DPP10: variants seen among roughly 807,000 people sequenced by gnomAD.
DPP10 encodes the protein dipeptidyl peptidase like 10, also known as inactive dipeptidyl peptidase 10.
A neutral mutation model predicts 120.9 loss-of-function variants in DPP10; 33 were observed. The ratio of observed to expected loss-of-function variants is 0.27; its 90% CI spans 0.21 to 0.37. The LOEUF (loss-of-function observed/expected upper bound fraction) is 0.37. Ranked by LOEUF, DPP10 falls within the 10% of genes least tolerant of loss-of-function variation. DPP10 has a pLI of 1.00. For synonymous variants in DPP10, 337 were observed against 326.1 expected (o/e 1.03, Z -0.36); for missense variants, 816 against 942.8 (o/e 0.87, Z 1.76).
At chr2:115,485,192 TTTTTC>T (rs2075694185) in intron 3 of DPP10, among the ~76,000 whole-genome samples, 2 of 151,396 alleles carry the variant, frequency 1.3e-5, no homozygotes, top group Admixed American at 6.6e-5. Context: ...TCATCAGCAT[TTTTTC>T]TTAATCATCT....
intron 1 of DPP10, among the ~76,000 whole-genome samples, chr2:114,541,233 C>T (rs1172341618): frequency 2.0e-5 from 3 of 152,110 alleles, no homozygotes; most frequent in African/African-American, 4.8e-5. Context: ...TAGACTTATA[C>T]TCCCCTGACA....
chr2:115,364,911 A>T (rs960847164), intron 3 of DPP10, among the ~76,000 whole-genome samples: 1 of 152,100 alleles, frequency 6.6e-6, no homozygotes, highest in Non-Finnish European at 1.5e-5. Context: ...GTAGTAGAGG[A>T]TATTTTTTCT....
At chr2:115,414,808 C>T (rs1278779030) in intron 3 of DPP10, among the ~76,000 whole-genome samples, 1 of 152,138 alleles carries the variant, frequency 6.6e-6, no homozygotes, top group Non-Finnish European at 1.5e-5. Flanking sequence ...TTGGACAATT[C>T]ATGCATCAAA....
chr2:114,755,335 C>T (rs2106068625), intron 1 of DPP10, among the ~76,000 whole-genome samples: 1 of 152,160 alleles, frequency 6.6e-6, no homozygotes, highest in African/African-American at 2.4e-5. Flanking sequence ...ACTCTGTTAC[C>T]CAGGCTGGAG....
chr2:115,028,519 C>T (rs1435786815), intron 1 of DPP10, among the ~76,000 whole-genome samples: 1 of 151,974 alleles, frequency 6.6e-6, no homozygotes, highest in Non-Finnish European at 1.5e-5. Flanking sequence ...ATGGTCTATC[C>T]TGGAGAATGT....
intron 1 of DPP10, among the ~76,000 whole-genome samples, chr2:114,793,306 C>T (rs113523269): frequency 1.1e-4 from 16 of 152,142 alleles, no homozygotes; most frequent in Admixed American, 3.9e-4. Flanking sequence ...TAGTCCCCCA[C>T]CCCCAGACAA....
intron 1 of DPP10, among the ~76,000 whole-genome samples, chr2:114,450,476 A>C (rs1344040954): frequency 6.6e-6 from 1 of 152,028 alleles, no homozygotes; most frequent in African/African-American, 2.4e-5. Context: ...TATCTGCCAC[A>C]TAGCAGGAGC....
intron 2 of DPP10, among the ~76,000 whole-genome samples, chr2:115,321,767 A>G: frequency 6.6e-6 from 1 of 151,632 alleles, no homozygotes; most frequent in East Asian, 1.9e-4. Flanking sequence ...TTGATCTATT[A>G]TTATTTTCAC....
At chr2:114,852,119 AT>A (rs1212009018) in intron 1 of DPP10, among the ~76,000 whole-genome samples, 1 of 36,650 alleles carries the variant, frequency 2.7e-5, no homozygotes, top group Non-Finnish European at 6.0e-5. Flanking sequence ...TATGCCTATT[AT>A]TTTTTGGGAA....
chr2:115,243,243 G>A (rs1193017624), intron 1 of DPP10, among the ~76,000 whole-genome samples: 1 of 152,086 alleles, frequency 6.6e-6, no homozygotes, highest in Non-Finnish European at 1.5e-5. Flanking sequence ...ATTGTAGCAG[G>A]ATCCCACTCT....
chr2:115,166,511 A>C (rs1217454670), intron 1 of DPP10, among the ~76,000 whole-genome samples: 2 of 144,288 alleles, frequency 1.4e-5, no homozygotes, highest in South Asian at 2.1e-4. Flanking sequence ...ATATTATATA[A>C]ATTTATAATA....
At chr2:115,105,356 C>T (rs11887878) in intron 1 of DPP10, among the ~76,000 whole-genome samples, 2 of 151,686 alleles carry the variant, frequency 1.3e-5, no homozygotes, top group African/African-American at 4.8e-5. Flanking sequence ...GCATCTGCTT[C>T]TGGTGAAGGC....
At chr2:115,779,505 G>A (rs748169618) in intron 15 of DPP10, among the ~76,000 whole-genome samples, 6 of 151,960 alleles carry the variant, frequency 3.9e-5, no homozygotes, top group South Asian at 2.1e-4. Flanking sequence ...CAAAATTTGT[G>A]TCTCTTTATT....
chr2:115,590,481 T>C (rs1281488896), intron 5 of DPP10, among the ~76,000 whole-genome samples: 1 of 152,210 alleles, frequency 6.6e-6, no homozygotes, highest in Non-Finnish European at 1.5e-5. Context: ...TCCATGTCCC[T>C]ACAAAGGACA....
At chr2:115,334,230 G>GTTTTTTTTTTTTTTTTTTTTTTTTTTGT in intron 2 of DPP10, among the ~76,000 whole-genome samples, 1 of 56,410 alleles carries the variant, frequency 1.8e-5, no homozygotes, top group Non-Finnish European at 4.0e-5. Context: ...AGCAGACTCT[G>GTTTTTTTTTTTTTTTTTTTTTTTTTTGT]TTTTTTTTTT....
chr2:114,512,957 C>T (rs1352257138), intron 1 of DPP10, among the ~76,000 whole-genome samples: 2 of 151,938 alleles, frequency 1.3e-5, no homozygotes, highest in African/African-American at 2.4e-5. Flanking sequence ...GAACATTTGA[C>T]TGTTCAAGGA....
intron 1 of DPP10, among the ~76,000 whole-genome samples, chr2:115,219,206 C>A (rs192350446): frequency 1.8e-4 from 27 of 152,236 alleles, no homozygotes; most frequent in African/African-American, 6.0e-4. Flanking sequence ...TAACATAGGT[C>A]TGCATTGACC....
chr2:114,674,876 T>C (rs1344942974), intron 1 of DPP10, among the ~76,000 whole-genome samples: 1 of 152,208 alleles, frequency 6.6e-6, no homozygotes, highest in Non-Finnish European at 1.5e-5. Flanking sequence ...ACTTGAAATT[T>C]AGAAAGTTTA....
At chr2:114,860,359 C>T (rs17788596) in intron 1 of DPP10, among the ~76,000 whole-genome samples, 56,324 of 152,022 alleles carry the variant, frequency 0.37, 11,481 homozygotes, top group South Asian at 0.49. Flanking sequence ...ACGAAGACTC[C>T]GTAACATAAA....
Sources: allele counts gnomAD v4.1 joint callset (sites outside exome capture counted in the v4.1 genomes callset), GRCh38; gene constraint gnomAD v4.1.1; transcripts MANE v1.5; gene names NCBI Gene and HGNC (gene_info 2026-07-23, HGNC 2026-07-21).